Variants in ANKLE2 observed in about 807,000 individuals in gnomAD.
ANKLE2 encodes ankyrin repeat and LEM domain containing 2.
Under a neutral mutation model 84.2 loss-of-function variants are expected in ANKLE2, and 55 were observed. The observed-to-expected ratio is 0.65, with a 90% CI of 0.53 to 0.82. The LOEUF (loss-of-function observed/expected upper bound fraction) is 0.82, where lower values mean the gene tolerates loss of function less well. ANKLE2 is among the 40% of genes least tolerant of loss of function. ANKLE2 has a pLI of 0.00. For missense variants in ANKLE2, 1,238 were observed against 1,201.9 expected, an observed-to-expected ratio of 1.03 and a Z score of -0.44; for synonymous variants, 551 against 486.1, an observed-to-expected ratio of 1.13 and a Z score of -1.76.
chr12:132,732,458 C>G (rs1205709111), intron 10 of ANKLE2, among the ~76,000 whole-genome samples: 1 of 137,106 alleles, frequency 7.3e-6, no homozygotes, highest in African/African-American at 3.1e-5. Context: ...GTGAAGCTCT[C>G]TGCGTGCTGG....
At chr12:132,752,109 G>A (rs893777288) in intron 2 of ANKLE2, among the ~76,000 whole-genome samples, 1 of 152,064 alleles carries the variant, frequency 6.6e-6, no homozygotes, top group East Asian at 2.0e-4. Context: ...GGGAGGCTGA[G>A]GCAGGTGGAT....
chr12:132,747,121 G>T (rs182336867), intron 5 of ANKLE2, among the ~76,000 whole-genome samples: 63 of 152,366 alleles, frequency 4.1e-4, no homozygotes, highest in African/African-American at 1.5e-3. Flanking sequence ...CAGGTGGAGG[G>T]TGGGGCATGG....
intron 11 of ANKLE2, 109 bp from the exon 12 acceptor site, chr12:132,728,272 C>T: frequency 7.2e-7 from 1 of 1,395,956 alleles, no homozygotes; most frequent in South Asian, 1.2e-5. Context: ...CTCTGTCGCC[C>T]AGGCTGGAAT....
At chr12:132,744,829 C>T (rs556685490) in intron 5 of ANKLE2, among the ~76,000 whole-genome samples, 105 of 152,194 alleles carry the variant, frequency 6.9e-4, no homozygotes, top group Middle Eastern at 3.4e-3. Flanking sequence ...TACAGGTGCC[C>T]GCCACCACGC....
At chr12:132,755,495 A>G in intron 1 of ANKLE2, 1 of 165,112 alleles carries the variant, frequency 6.1e-6, no homozygotes, top group Non-Finnish European at 1.3e-5. Flanking sequence ...CAATTAGCCG[A>G]GATCACACCC....
rs545290587 is a variant in ANKLE2 at position 132,730,098 on chromosome 12, G to A, written c.2064C>T (p.Ala688=). The change falls in exon 11 of 13, where the codon GCC becomes GCT. Residue 688 remains alanine (A), a synonymous_variant. Transcript: ENST00000357997. ...PLEQEADLIE[A]AEPGGPHSSR... ...TGCTGTGTGGACCTCCCGGCTCGGC[G>A]GCTTCTATGAGGTCTGCCTCCTGCT... is the stretch of plus-strand genomic sequence containing the variant. The A allele has an allele frequency of 4.3e-5, 70 of 1,612,404 alleles. 1 individual carries two copies. The highest frequency in any genetic ancestry group is 2.7e-4 in the African/African-American group (20 of 75,012).
At chr12:132,739,638 C>T (rs1311350369) in intron 7 of ANKLE2, among the ~76,000 whole-genome samples, 1 of 152,208 alleles carries the variant, frequency 6.6e-6, no homozygotes, top group African/African-American at 2.4e-5. Context: ...CAGTTTTGTG[C>T]CTGGCTTTCT....
intron 10 of ANKLE2, 89 bp from the exon 11 acceptor site, chr12:132,730,359 CCCAGCAACAGCAACTCT>C: frequency 3.5e-6 from 1 of 287,210 alleles, no homozygotes; most frequent in Admixed American, 1.8e-4. Context: ...CTGCCGTGAC[CCCAGCAACAGCAACTCT>C]TATACCCAAA....
intron 2 of ANKLE2, among the ~76,000 whole-genome samples, chr12:132,752,978 C>A (rs565134558): frequency 1.3e-4 from 19 of 146,966 alleles, no homozygotes; most frequent in Non-Finnish European, 2.2e-4. Context: ...AGCAATAAAG[C>A]GAGACCCAGT....
chr12:132,751,340 T>G (rs1244934213), intron 2 of ANKLE2: 1 of 153,294 alleles, frequency 6.5e-6, no homozygotes, highest in Non-Finnish European at 1.4e-5. Flanking sequence ...GCCTCCCAGG[T>G]TCAAGCGATT....
At chr12:132,740,840 G>A (rs1325520520) in intron 7 of ANKLE2, among the ~76,000 whole-genome samples, 1 of 152,054 alleles carries the variant, frequency 6.6e-6, no homozygotes, top group African/African-American at 2.4e-5. Flanking sequence ...GAGGCGAGTG[G>A]GGAGGGAACG....
chr12:132,750,097 C>G (rs776332757), intron 3 of ANKLE2, among the ~76,000 whole-genome samples: 1 of 146,486 alleles, frequency 6.8e-6, no homozygotes, highest in East Asian at 2.0e-4. Context: ...CCCAGCTACT[C>G]GGGAGGCTGA....
At chr12:132,728,588 G>C (rs12306933) in intron 11 of ANKLE2, among the ~76,000 whole-genome samples, 18 of 152,164 alleles carry the variant, frequency 1.2e-4, no homozygotes, top group Non-Finnish European at 2.1e-4. Flanking sequence ...TGCAAGGATC[G>C]ATCTGGCCTG....
chr12:132,747,818 G>A lies in ANKLE2; in HGVS notation c.1230+14C>T, dbSNP rs758813588. ...ATTAAATAAAGAAAGCGTGAGTGGA[G>A]GGTGTGCACGCACCATCTTGTCGGG... On this transcript the variant is annotated intron_variant, in intron 5 of 12. Transcript: ENST00000357997. 79 of 1,580,168 alleles carry A rather than the reference G, an allele frequency of 5.0e-5. No homozygotes were observed. Among genetic ancestry groups the A allele is most frequent in the Non-Finnish European group, 6.1e-5 (71 of 1,171,892 alleles).
chr12:132,736,234 G>A lies in ANKLE2; in HGVS notation c.1593+659C>T, dbSNP rs1411076175. 5.9e-5 allele frequency among the ~76,000 whole-genome samples: 9 copies of A among 152,272 alleles called. 1 individual carries two copies. The highest frequency in any genetic ancestry group is 5.9e-5 in the Non-Finnish European group (4 of 68,050). ...CAAAGTGCTGGGATTTCAGGCATGC[G>A]TCCCGGCGCCCGGCCTGGAGCCGTT... On this transcript the variant is annotated intron_variant, in intron 8 of 12. Transcript: ENST00000357997.
rs147843329 is a variant in ANKLE2, at chr12:132,742,921, T to G, written c.1353+233A>C. ...GTTCAAAGCAACTGACTGCCAGTTT[T>G]AGGAAAATAAAATCAGCAAACTGCG... is the stretch of plus-strand genomic sequence containing the variant. On this transcript the variant is annotated intron_variant, in intron 6 of 12. Coordinates refer to ENST00000357997, the MANE Select transcript of ANKLE2 (RefSeq NM_015114.3). Among the ~76,000 whole-genome samples the G allele has an allele frequency of 3.2e-4, 49 of 151,752 alleles. 1 individual carries two copies. In the South Asian group the frequency reaches 3.6e-3, roughly 11 times the overall value.
intron 9 of ANKLE2, 177 bp from the exon 10 acceptor site, chr12:132,734,752 G>A (rs947998142): frequency 9.6e-6 from 6 of 628,254 alleles, no homozygotes; most frequent in South Asian, 4.3e-5. Flanking sequence ...GAAACAGCAC[G>A]CCTCCTCACA....
intron 5 of ANKLE2, among the ~76,000 whole-genome samples, chr12:132,744,452 C>A (rs981254824): frequency 6.6e-6 from 1 of 152,094 alleles, no homozygotes; most frequent in African/African-American, 2.4e-5. Flanking sequence ...ATGGACCCTG[C>A]GGCCTGCACT....
intron 2 of ANKLE2, 91 bp downstream of exon 2, chr12:132,754,584 C>T: frequency 1.5e-6 from 2 of 1,331,076 alleles, no homozygotes; most frequent in Admixed American, 2.5e-5. Flanking sequence ...TTTTTTCCTT[C>T]TTAATCTGTA....
Sources: gnomAD v4.1 joint callset for allele counts (sites outside exome capture counted in the v4.1 genomes callset) on GRCh38, gnomAD v4.1.1 for gene constraint, MANE v1.5 for transcripts, NCBI Gene and HGNC (gene_info 2026-07-23, HGNC 2026-07-21) for gene names.